The following STAU2 variants were observed in gnomAD, a reference collection of about 807,000 sequenced individuals.
STAU2 encodes the protein double-stranded RNA-binding protein Staufen homolog 2.
In STAU2, 20 loss-of-function variants were observed where a neutral mutation model predicts 65.9. The ratio of observed to expected loss-of-function variants is 0.30; its 90% CI spans 0.21 to 0.44. The LOEUF (loss-of-function observed/expected upper bound fraction) is 0.44, where lower values mean the gene tolerates loss of function less well. STAU2 is among the 20% of genes least tolerant of loss of function. STAU2 has a pLI of 1.00. For missense variants in STAU2, 558 were observed against 683.9 expected (o/e 0.82, Z 2.05); for synonymous variants, 232 against 233.9 (o/e 0.99, Z 0.07).
intron 13 of STAU2, among the ~76,000 whole-genome samples, chr8:73,509,018 G>T: frequency 6.6e-6 from 1 of 152,070 alleles, no homozygotes; most frequent in East Asian, 1.9e-4. Flanking sequence ...TAGATACTTC[G>T]AGTGAAATTG....
At chr8:73,728,274 A>G (rs1805793733) in intron 3 of STAU2, among the ~76,000 whole-genome samples, 1 of 152,136 alleles carries the variant, frequency 6.6e-6, no homozygotes, top group African/African-American at 2.4e-5. Flanking sequence ...CTGGACTCTC[A>G]ATTCTATTAG....
chr8:73,741,429 T>C (rs1415813060), intron 1 of STAU2, among the ~76,000 whole-genome samples: 1 of 152,190 alleles, frequency 6.6e-6, no homozygotes, highest in Non-Finnish European at 1.5e-5. Context: ...TTCTTCAATA[T>C]TAGAGGCTGA....
intron 6 of STAU2, among the ~76,000 whole-genome samples, chr8:73,631,544 A>G (rs561387764): frequency 5.9e-5 from 9 of 152,306 alleles, no homozygotes; most frequent in Admixed American, 5.9e-4. Context: ...CATTACTACA[A>G]TTTTTAAAAA....
At position 73,421,425 on chromosome 8, in the gene STAU2, C is replaced by A; in HGVS notation, c.1660G>T (p.Ala554Ser). 6.5e-7 allele frequency: 1 copy of A among 1,537,210 alleles called. No homozygotes were observed. Among genetic ancestry groups the A allele is most frequent in the Non-Finnish European group, 8.7e-7 (1 of 1,146,916 alleles). ...HLREKADNNQ[A>S]PPGSIAQDCK... The stretch of plus-strand genomic sequence containing the variant: ...TCCTGAGCGATGGAGCCCGGGGGTG[C>A]CTGGTTATTGTCCGCTTTCTCTCTC... The change falls in exon 15 of 15, where the codon GCA becomes TCA. Residue 554 changes from alanine to serine, a missense_variant. Physicochemically the swap from Ala to Ser is moderately conservative, Grantham distance 99. Coordinates refer to ENST00000524300, the MANE Select transcript of STAU2 (RefSeq NM_001164380.2).
intron 1 of STAU2, among the ~76,000 whole-genome samples, chr8:73,741,281 G>A (rs1806849474): frequency 7.6e-6 from 1 of 130,776 alleles, no homozygotes; most frequent in Admixed American, 7.9e-5. Flanking sequence ...CTCCAGCCTG[G>A]GCGACAGAGC....
intron 12 of STAU2, among the ~76,000 whole-genome samples, chr8:73,570,996 G>A (rs1563430020): frequency 6.6e-6 from 1 of 152,068 alleles, no homozygotes; most frequent in Admixed American, 6.6e-5. Context: ...GTATTCAGGA[G>A]ACCCATCTCA....
At chr8:73,441,250 T>C (rs1017952762) in intron 13 of STAU2, 4 of 152,242 alleles carry the variant, frequency 2.6e-5, no homozygotes, top group African/African-American at 4.8e-5. Flanking sequence ...CATTAGCAAG[T>C]AAGTTCTGGC....
At chr8:73,508,074 G>C (rs1467717488) in intron 13 of STAU2, among the ~76,000 whole-genome samples, 3 of 152,170 alleles carry the variant, frequency 2.0e-5, no homozygotes, top group Non-Finnish European at 4.4e-5. Context: ...CAGCCATAAG[G>C]CTGTTTTGCT....
chr8:73,689,377 G>A (rs1171441072), intron 4 of STAU2, among the ~76,000 whole-genome samples: 3 of 152,076 alleles, frequency 2.0e-5, no homozygotes, highest in African/African-American at 4.8e-5. Context: ...TCTGCCAACT[G>A]GATCCAGCCT....
At chr8:73,513,727 T>A (rs1252867144) in intron 13 of STAU2, among the ~76,000 whole-genome samples, 1 of 152,226 alleles carries the variant, frequency 6.6e-6, no homozygotes, top group Non-Finnish European at 1.5e-5. Context: ...ACTGAGTTGC[T>A]AGCTAGCCTT....
chr8:73,577,443 A>T (rs1292384351), intron 12 of STAU2, among the ~76,000 whole-genome samples: 1 of 147,244 alleles, frequency 6.8e-6, no homozygotes, highest in Non-Finnish European at 1.5e-5. Flanking sequence ...AAAAAAAATT[A>T]TATATATATA....
intron 13 of STAU2, among the ~76,000 whole-genome samples, chr8:73,425,691 G>A (rs1244012159): frequency 1.3e-5 from 2 of 151,992 alleles, no homozygotes; most frequent in African/African-American, 4.8e-5. Context: ...TTTTGTTACA[G>A]AAAAGTCAGA....
Position 73,532,952 on chromosome 8 carries a change from T to C in STAU2, c.1530+19060A>G, listed in dbSNP as rs138070932. ...ATTCTGCCTCCTTAGGTTGAACCAATATGCACCTTCCATGTATTGATTTGA... is the reference window on the plus strand; with the variant it reads ...ATTCTGCCTCCTTAGGTTGAACCAACATGCACCTTCCATGTATTGATTTGA... On this transcript the variant is annotated intron_variant, in intron 13 of 14. Coordinates refer to ENST00000524300, the MANE Select transcript of STAU2 (RefSeq NM_001164380.2). Among the ~76,000 whole-genome samples, 42 of 152,328 alleles carry C rather than the reference T, an allele frequency of 2.8e-4. 1 individual carries two copies. The East Asian group carries it at 7.5e-3, about 27-fold the overall frequency.
intron 13 of STAU2, chr8:73,439,216 C>T (rs978807619): frequency 8.4e-6 from 3 of 356,456 alleles, no homozygotes; most frequent in African/African-American, 6.4e-5. Flanking sequence ...ACAGCTGGCA[C>T]CGTGAGCTGG....
chr8:73,577,142 T>C (rs1414604566), intron 12 of STAU2, among the ~76,000 whole-genome samples: 3 of 152,122 alleles, frequency 2.0e-5, no homozygotes, highest in Admixed American at 6.5e-5. Context: ...AAATATAATA[T>C]TTATGGCCGG....
intron 13 of STAU2, among the ~76,000 whole-genome samples, chr8:73,531,841 G>T (rs1048813957): frequency 6.6e-6 from 1 of 152,178 alleles, no homozygotes; most frequent in African/African-American, 2.4e-5. Context: ...GAACAAAGCA[G>T]TGCGTTTCTA....
chr8:73,554,254 G>A (rs1253529744), intron 12 of STAU2, among the ~76,000 whole-genome samples: 1 of 152,212 alleles, frequency 6.6e-6, no homozygotes, highest in Non-Finnish European at 1.5e-5. Flanking sequence ...TGCCTCTCCA[G>A]GAAAAAGCTG....
At chr8:73,729,778 A>G (rs1805913635) in intron 3 of STAU2, among the ~76,000 whole-genome samples, 1 of 152,164 alleles carries the variant, frequency 6.6e-6, no homozygotes, top group Non-Finnish European at 1.5e-5. Flanking sequence ...AGTAATGCGT[A>G]TTTCTAAAAC....
intron 3 of STAU2, among the ~76,000 whole-genome samples, chr8:73,712,465 AATGAG>A (rs1189627584): frequency 5.3e-5 from 8 of 152,370 alleles, no homozygotes; most frequent in Admixed American, 4.6e-4. Context: ...GCATGGATTG[AATGAG>A]ATAATACCAA....
Sources: allele counts gnomAD v4.1 joint callset (sites outside exome capture counted in the v4.1 genomes callset), GRCh38; gene constraint gnomAD v4.1.1; transcripts MANE v1.5; gene names NCBI Gene and HGNC (gene_info 2026-07-23, HGNC 2026-07-21).